Variants in STX17 observed in about 807,000 individuals in gnomAD.
STX17 encodes syntaxin-17.
In STX17, 29 loss-of-function variants were observed where a neutral mutation model predicts 35.9. That is an observed-to-expected ratio of 0.81 (90% CI 0.60 to 1.10). The LOEUF (loss-of-function observed/expected upper bound fraction) is 1.10, where lower values mean the gene tolerates loss of function less well. STX17 is among the 50% of genes least tolerant of loss of function. The probability of loss-of-function intolerance (pLI) is 0.00; values close to 1 mark genes in which losing one functional copy is unlikely to be tolerated. For missense variants in STX17, 312 were observed against 352.3 expected (o/e 0.89, Z 0.92); for synonymous variants, 92 against 118.3 (o/e 0.78, Z 1.44).
chr9:99,928,811 G>T lies in STX17; in HGVS notation c.157G>T (p.Glu53Ter). 1 of 1,613,638 alleles carries T rather than the reference G, an allele frequency of 6.2e-7. No individual in the cohort carries two copies. Among genetic ancestry groups the T allele is most frequent in the Non-Finnish European group, 8.5e-7 (1 of 1,179,724 alleles). The change falls in exon 3 of 8, where the codon GAA becomes TAA. Residue 53 changes from glutamate (E) to a stop codon, truncating the protein, a stop_gained. Transcript: ENST00000259400. LOFTEE classifies it high-confidence loss of function. ...QRCRIWDKLH[E>*]EHINAGRTVQ... Reference sequence around the variant, plus strand: ...GTGCAGAATCTGGGACAAGTTGCATGAAGAGCATATCAATGCAGGACGTAC... The same window carrying T: ...GTGCAGAATCTGGGACAAGTTGCATTAAGAGCATATCAATGCAGGACGTAC...
chr9:99,921,482 TTA>T (rs1294991320), intron 2 of STX17, among the ~76,000 whole-genome samples: 1 of 151,990 alleles, frequency 6.6e-6, no homozygotes, highest in African/African-American at 2.4e-5. Flanking sequence ...TCCTTCTAAT[TTA>T]TGTTATGTGC....
intron 3 of STX17, chr9:99,937,781 A>G (rs1457618510): frequency 2.6e-5 from 4 of 151,908 alleles, no homozygotes; most frequent in Non-Finnish European, 5.9e-5. Context: ...GTGTCTAGTG[A>G]TATTTGATTG....
At chr9:99,959,859 T>C in intron 4 of STX17, 58 bp from the exon 5 acceptor site, 2 of 1,256,744 alleles carry the variant, frequency 1.6e-6, no homozygotes, top group Non-Finnish European at 2.3e-6. Flanking sequence ...CAATTTATGC[T>C]GTCTCTTTTC....
At position 99,970,920 on chromosome 9, in the gene STX17, G is replaced by A. The variant is rs1381165150; in HGVS notation, c.*2247G>A. ...GAGCCAGTGTGGAATACCACTGTAT[G>A]TACTCATATAAGCCCTTGACTTTTA... is the stretch of plus-strand genomic sequence containing the variant. On this transcript the variant is annotated 3_prime_UTR_variant, in exon 8 of 8. Transcript: ENST00000259400. Among the ~76,000 whole-genome samples, 3 of 152,276 alleles carry A rather than the reference G, an allele frequency of 2.0e-5. No homozygotes were observed. The highest frequency in any genetic ancestry group is 2.0e-4 in the Admixed American group (3 of 15,294).
At chr9:99,966,598 T>C (rs1829916902) in intron 6 of STX17, among the ~76,000 whole-genome samples, 1 of 152,136 alleles carries the variant, frequency 6.6e-6, no homozygotes, top group Non-Finnish European at 1.5e-5. Context: ...GAGATTCTCT[T>C]TTTTCTGCAC....
At chr9:99,951,004 A>G in intron 3 of STX17, 56 bp from the exon 4 acceptor site, 1 of 1,443,304 alleles carries the variant, frequency 6.9e-7, no homozygotes. Context: ...TACTTCTGAA[A>G]AGAAAGATAT....
intron 1 of STX17, 38 bp downstream of exon 1, chr9:99,906,744 G>T (rs1828555057): frequency 6.6e-6 from 1 of 152,190 alleles, no homozygotes; most frequent in Non-Finnish European, 1.5e-5. Flanking sequence ...GGGGGCGTCG[G>T]GCCCTCACAG....
intron 4 of STX17, among the ~76,000 whole-genome samples, chr9:99,959,220 AT>A (rs1452969400): frequency 1.3e-5 from 2 of 152,168 alleles, no homozygotes; most frequent in Non-Finnish European, 2.9e-5. Flanking sequence ...ATTTGTAGCC[AT>A]TTTTTAAATG....
chr9:99,913,668 G>A (rs1444017354), intron 1 of STX17, among the ~76,000 whole-genome samples: 1 of 152,036 alleles, frequency 6.6e-6, no homozygotes, highest in African/African-American at 2.4e-5. Context: ...GTCTGTGGAT[G>A]GTCTCTTTTG....
intron 1 of STX17, 117 bp downstream of exon 1, chr9:99,906,823 G>A (rs1020496934): frequency 1.3e-5 from 2 of 152,330 alleles, no homozygotes; most frequent in African/African-American, 4.8e-5. Flanking sequence ...CATTGGATCC[G>A]AAGTGCGAGC....
At chr9:99,948,573 C>T (rs1265195005) in intron 3 of STX17, among the ~76,000 whole-genome samples, 1 of 152,014 alleles carries the variant, frequency 6.6e-6, no homozygotes, top group Non-Finnish European at 1.5e-5. Context: ...TTAATTTTCT[C>T]TTCTATAAAA....
chr9:99,929,227 ATT>A (rs770698451), intron 3 of STX17: 15 of 145,842 alleles, frequency 1.0e-4, no homozygotes, highest in South Asian at 2.2e-4. Flanking sequence ...CTGGGCAGTA[ATT>A]TTTTTTTTTT....
intron 3 of STX17, among the ~76,000 whole-genome samples, chr9:99,948,939 C>T (rs542735995): frequency 1.3e-5 from 2 of 152,118 alleles, no homozygotes; most frequent in East Asian, 3.9e-4. Context: ...ATAATATTAC[C>T]TAAAATATTT....
At chr9:99,910,837 T>C (rs1828645617) in intron 1 of STX17, among the ~76,000 whole-genome samples, 1 of 152,298 alleles carries the variant, frequency 6.6e-6, no homozygotes, top group South Asian at 2.1e-4. Flanking sequence ...CTCCTGCCCC[T>C]TCCCATCACT....
At chr9:99,947,869 C>G (rs950824806) in intron 3 of STX17, among the ~76,000 whole-genome samples, 2 of 151,990 alleles carry the variant, frequency 1.3e-5, no homozygotes, top group South Asian at 4.1e-4. Flanking sequence ...CAGGACTCAC[C>G]TCTCTAGATT....
intron 3 of STX17, among the ~76,000 whole-genome samples, chr9:99,950,550 T>C (rs1829571702): frequency 6.6e-6 from 1 of 152,026 alleles, no homozygotes; most frequent in Non-Finnish European, 1.5e-5. Flanking sequence ...AGTAAATTAT[T>C]CTACACTACA....
intron 3 of STX17, among the ~76,000 whole-genome samples, chr9:99,935,095 C>T (rs552300107): frequency 1.1e-4 from 17 of 152,072 alleles, no homozygotes; most frequent in Admixed American, 3.3e-4. Context: ...CTTTGGAAAG[C>T]TGAAGCGGGC....
intron 6 of STX17, among the ~76,000 whole-genome samples, chr9:99,966,608 C>T (rs985571872): frequency 5.3e-5 from 8 of 151,878 alleles, no homozygotes; most frequent in African/African-American, 1.9e-4. Flanking sequence ...TTTTTCTGCA[C>T]ATTAAAAAAA....
chr9:99,927,356 C>G (rs1391181260), intron 2 of STX17, among the ~76,000 whole-genome samples: 2 of 152,190 alleles, frequency 1.3e-5, no homozygotes, highest in African/African-American at 2.4e-5. Context: ...AGCTTTCACA[C>G]TGGATCTGAT....
Sources: allele counts gnomAD v4.1 joint callset (sites outside exome capture counted in the v4.1 genomes callset), GRCh38; gene constraint gnomAD v4.1.1; transcripts MANE v1.5; gene names NCBI Gene and HGNC (gene_info 2026-07-23, HGNC 2026-07-21).